The following CLVS1 variants were observed in gnomAD, a reference collection of about 807,000 sequenced individuals.
CLVS1 encodes the protein clavesin-1.
CLVS1 carries 10 observed loss-of-function variants against 33.1 expected under a neutral mutation model. The ratio of observed to expected loss-of-function variants is 0.30; its 90% confidence interval spans 0.19 to 0.51. The LOEUF is 0.51. Ranked by LOEUF, CLVS1 falls within the 20% of genes least tolerant of loss-of-function variation. The pLI, the probability that CLVS1 is intolerant of heterozygous loss-of-function variation, is 0.97. For missense variants in CLVS1, 343 were observed against 433.4 expected (o/e 0.79, Z 1.85); for synonymous variants, 163 against 166.1 (o/e 0.98, Z 0.14).
intron 5 of CLVS1, among the ~76,000 whole-genome samples, chr8:61,475,015 C>A (rs1817866675): frequency 6.6e-6 from 1 of 152,122 alleles, no homozygotes; most frequent in Admixed American, 6.6e-5. Flanking sequence ...TCTCATTGTT[C>A]AATTCCCACC....
chr8:61,282,388 TG>T (rs1809688277), intron 2 of CLVS1, among the ~76,000 whole-genome samples: 1 of 152,146 alleles, frequency 6.6e-6, no homozygotes, highest in African/African-American at 2.4e-5. Flanking sequence ...CAGTAGAACC[TG>T]GTTACAAGAT....
At chr8:61,317,319 G>T (rs1430261168) in intron 2 of CLVS1, among the ~76,000 whole-genome samples, 1 of 152,124 alleles carries the variant, frequency 6.6e-6, no homozygotes, top group Non-Finnish European at 1.5e-5. Flanking sequence ...AATGCTGGGG[G>T]AAGCCACTTT....
chr8:61,469,046 G>A (rs1817652003), intron 5 of CLVS1, among the ~76,000 whole-genome samples: 1 of 152,122 alleles, frequency 6.6e-6, no homozygotes, highest in Admixed American at 6.5e-5. Flanking sequence ...TCATGCAGAG[G>A]TCTTCTAATG....
At chr8:61,148,846 C>T (rs547428874) in intron 2 of CLVS1, among the ~76,000 whole-genome samples, 2 of 152,296 alleles carry the variant, frequency 1.3e-5, no homozygotes, top group East Asian at 1.9e-4. Flanking sequence ...TGTGCCGACA[C>T]ATGTGTACGT....
intron 2 of CLVS1, among the ~76,000 whole-genome samples, chr8:61,140,722 CG>C (rs1806292482): frequency 6.6e-6 from 1 of 152,058 alleles, no homozygotes; most frequent in Non-Finnish European, 1.5e-5. Flanking sequence ...CCACCATGCC[CG>C]GCTAAATTTT....
At chr8:61,444,534 G>A (rs967483582) in intron 3 of CLVS1, among the ~76,000 whole-genome samples, 114 of 152,246 alleles carry the variant, frequency 7.5e-4, no homozygotes, top group African/African-American at 2.4e-3. Context: ...TTACTATTGC[G>A]AAAGTACCAG....
chr8:61,403,203 A>C (rs969431352), intron 3 of CLVS1, among the ~76,000 whole-genome samples: 5 of 152,186 alleles, frequency 3.3e-5, no homozygotes, highest in Non-Finnish European at 7.3e-5. Flanking sequence ...TTGGGATGGA[A>C]TCATGCATAG....
At chr8:61,232,475 T>A (rs1301436041) in intron 2 of CLVS1, among the ~76,000 whole-genome samples, 1 of 152,134 alleles carries the variant, frequency 6.6e-6, no homozygotes, top group African/African-American at 2.4e-5. Context: ...TCTTTTTGAG[T>A]AAGAAACCAG....
intron 1 of CLVS1, among the ~76,000 whole-genome samples, chr8:61,101,011 T>G (rs1439162130): frequency 6.6e-6 from 1 of 152,252 alleles, no homozygotes; most frequent in Non-Finnish European, 1.5e-5. Context: ...TTTTTTACTA[T>G]TATGAATAAT....
At chr8:61,354,116 C>T (rs1473128555) in intron 2 of CLVS1, among the ~76,000 whole-genome samples, 1 of 151,996 alleles carries the variant, frequency 6.6e-6, no homozygotes, top group African/African-American at 2.4e-5. Context: ...GAAAAAGACA[C>T]TTCTGGGCCC....
At chr8:61,105,411 T>A (rs560421200) in intron 1 of CLVS1, among the ~76,000 whole-genome samples, 15 of 152,244 alleles carry the variant, frequency 9.9e-5, no homozygotes, top group Non-Finnish European at 2.1e-4. Context: ...TAGTCCATTT[T>A]TTCAACCTAT....
At chr8:61,070,561 A>G (rs1440865694) in intron 1 of CLVS1, among the ~76,000 whole-genome samples, 2 of 152,172 alleles carry the variant, frequency 1.3e-5, no homozygotes, top group Non-Finnish European at 2.9e-5. Flanking sequence ...GAGGCCTGGC[A>G]GGGTGTGGTG....
chr8:61,286,883 C>T (rs1283166868), upstream of CLVS1, among the ~76,000 whole-genome samples: 1 of 152,178 alleles, frequency 6.6e-6, no homozygotes, highest in Non-Finnish European at 1.5e-5. Flanking sequence ...TCTTGCTTTC[C>T]TTCACTTAAC....
the CLVS1 span, among the ~76,000 whole-genome samples, chr8:60,975,812 A>T: frequency 6.6e-6 from 1 of 152,138 alleles, no homozygotes; most frequent in African/African-American, 2.4e-5. Context: ...TATTGTTCTT[A>T]AGAGGGAGCT....
chr8:61,137,693 TA>T (rs1248909055), intron 2 of CLVS1, among the ~76,000 whole-genome samples: 1 of 152,184 alleles, frequency 6.6e-6, no homozygotes, highest in African/African-American at 2.4e-5. Context: ...CCTCCAATAA[TA>T]ACCTCCCCTT....
At chr8:61,429,382 T>C (rs1031548936) in intron 3 of CLVS1, among the ~76,000 whole-genome samples, 3 of 134,902 alleles carry the variant, frequency 2.2e-5, no homozygotes, top group Non-Finnish European at 4.5e-5. Context: ...ATTGTGCCGC[T>C]GCACTCTAGC....
chr8:61,095,810 T>A (rs1441273830), intron 1 of CLVS1, among the ~76,000 whole-genome samples: 1 of 152,236 alleles, frequency 6.6e-6, no homozygotes, highest in Non-Finnish European at 1.5e-5. Flanking sequence ...GTCAGATATC[T>A]TTTTTTATGT....
intron 3 of CLVS1, among the ~76,000 whole-genome samples, chr8:61,442,325 T>C (rs1816582641): frequency 6.6e-6 from 1 of 152,214 alleles, no homozygotes; most frequent in South Asian, 2.1e-4. Flanking sequence ...GCTGTACCAG[T>C]TTGCTTAACC....
At chr8:61,165,885 C>G (rs1806852451) in intron 2 of CLVS1, among the ~76,000 whole-genome samples, 4 of 152,158 alleles carry the variant, frequency 2.6e-5, no homozygotes, top group Admixed American at 2.6e-4. Flanking sequence ...TTCAAATGGA[C>G]TACTTGTCTC....
Sources: allele counts gnomAD v4.1 joint callset (sites outside exome capture counted in the v4.1 genomes callset), GRCh38; gene constraint gnomAD v4.1.1; transcripts MANE v1.5; gene names NCBI Gene and HGNC (gene_info 2026-07-23, HGNC 2026-07-21).